CYP2A7: variants seen among roughly 807,000 people sequenced by gnomAD.
CYP2A7 encodes cytochrome P450 family 2 subfamily A member 7, also known as cytochrome P450 2A7.
Under a neutral mutation model 42.0 loss-of-function variants are expected in CYP2A7, and 36 were observed. The ratio of observed to expected loss-of-function variants is 0.86; its 90% confidence interval spans 0.66 to 1.13. The LOEUF is 1.13. Among genes scored for constraint, CYP2A7 ranks in the 50% most tolerant of loss-of-function variants. The pLI is 0.00. For missense variants in CYP2A7, 661 were observed against 634.1 expected (o/e 1.04, Z -0.46); for synonymous variants, 260 against 249.5 (o/e 1.04, Z -0.40).
Position 40,877,232 on chromosome 19 carries a change from C to T in CYP2A7, c.1119G>A (p.Arg373=), listed in dbSNP as rs148915421. 55,225 of 1,611,656 alleles carry T rather than the reference C, an allele frequency of 0.034. 2,320 individuals are homozygous for T. Among genetic ancestry groups the T allele is most frequent in the Non-Finnish European group, 0.04 (47,558 of 1,178,240 alleles). ...GDVIPMSLAR[R]VKKDTKFRDF... ...CCCGAAACTTGGTGTCCTTTTTAAC[C>T]CTGCGGGCCAAACTCATGGGGATCA... The change falls in exon 7 of 9, where the codon AGG becomes AGA. Residue 373 remains arginine, a synonymous_variant. Transcript: ENST00000301146.
rs1291440775 is a variant in CYP2A7, at chr19:40,881,716, G to C, written c.216C>G (p.His72Gln). 1 of 1,607,746 alleles carries C rather than the reference G, an allele frequency of 6.2e-7. No individual in the cohort carries two copies. The highest frequency in any genetic ancestry group is 2.2e-5 in the East Asian group (1 of 44,816). ...GCACCACGACCCGCCGGGGCCCCAA[G>C]TGAATGGTGAACACGGGGCCATAGC... is the stretch of plus-strand genomic sequence containing the variant. ...SECYGPVFTIHLGPRRVVVLC... is the reference protein window; with the variant it reads ...SECYGPVFTIQLGPRRVVVLC... Residue 72 changes from histidine to glutamine, a missense_variant, in exon 2 of 9, where the codon CAC (histidine) becomes CAG (glutamine). This residue lies in a region of CYP2A7 where 614 missense variants were observed against 552.4 expected (regional missense o/e 1.11). Transcript: ENST00000301146.
At chr19:40,877,722 G>A in intron 6 of CYP2A7, 130 bp downstream of exon 6, 1 of 1,328,706 alleles carries the variant, frequency 7.5e-7, no homozygotes, top group South Asian at 1.5e-5. Context: ...CCAGCTGAAT[G>A]TTGCCCTGTC....
chr19:40,880,665 G>A (rs746421963), intron 2 of CYP2A7, 37 bp from the exon 3 acceptor site: 1 of 1,586,520 alleles, frequency 6.3e-7, no homozygotes, highest in Non-Finnish European at 8.6e-7. Context: ...AGAGGTCAGG[G>A]GGCGGCGGTG....
At chr19:40,880,975 G>A (rs1170246468) in intron 2 of CYP2A7, among the ~76,000 whole-genome samples, 3 of 151,082 alleles carry the variant, frequency 2.0e-5, no homozygotes, top group African/African-American at 7.3e-5. Context: ...GAAGTGGGGA[G>A]AGAAAGAGAG....
chr19:40,882,069 G>C lies in CYP2A7; in HGVS notation c.142C>G (p.Gln48Glu). The change falls in exon 1 of 9, where the codon CAG (glutamine) becomes GAG (glutamate). Residue 48 changes from glutamine (Q) to glutamate (E), a missense_variant. Physicochemically the swap from Gln to Glu is conservative, Grantham distance 29. Transcript: ENST00000301146. ...TPLPFIGNYLQLNTEHICDSI... is the reference protein window; with the variant it reads ...TPLPFIGNYLELNTEHICDSI... ...TCACATATGTGCTCTGTGTTCAGCT[G>C]GAGGTAGTTTCCAATGAAGGGCAGT... 2 of 1,614,016 alleles carry C rather than the reference G, an allele frequency of 1.2e-6. No individual in the cohort carries two copies. The highest frequency in any genetic ancestry group is 2.2e-5 in the South Asian group (2 of 91,070).
At chr19:40,880,833 G>GC (rs1967659999) in intron 2 of CYP2A7, among the ~76,000 whole-genome samples, 1 of 126,214 alleles carries the variant, frequency 7.9e-6, no homozygotes, top group East Asian at 2.3e-4. Context: ...GAGAGAGAGA[G>GC]AGAGAGAGAG....
At position 40,875,475 on chromosome 19, in the gene CYP2A7, T is replaced by C. The variant is rs1409620437; in HGVS notation, c.*218A>G. On this transcript the variant is annotated 3_prime_UTR_variant, in exon 9 of 9. Coordinates refer to ENST00000301146, the MANE Select transcript of CYP2A7 (RefSeq NM_000764.3). ...GAGCTGCTATTATTACTACTCTTCA[T>C]AGCATAATGTAAGGTTTCCCTTCCT... 4.4e-5 allele frequency: 28 copies of C among 631,350 alleles called. No individual in the cohort carries two copies. Among genetic ancestry groups the C allele is most frequent in the Non-Finnish European group, 6.6e-5 (24 of 361,084 alleles). 39.1% of individuals were successfully genotyped at this position (631,350 alleles called of 1,614,324 possible).
rs375259444 is a variant in CYP2A7 at position 40,878,978 on chromosome 19, C to T, written c.655-42G>A. On this transcript the variant is annotated intron_variant, in intron 4 of 8. Transcript: ENST00000301146. ...AGGATGGGAAGGGAAGGACAGCTGTCACGGGGCAGGAGCTGATGGGAATGG... is the reference window on the plus strand; with the variant it reads ...AGGATGGGAAGGGAAGGACAGCTGTTACGGGGCAGGAGCTGATGGGAATGG... 3.1e-5 allele frequency: 49 copies of T among 1,578,982 alleles called. 1 individual carries two copies. Among genetic ancestry groups the T allele is most frequent in the Non-Finnish European group, 4.2e-5 (48 of 1,155,832 alleles).
chr19:40,881,466 G>C, intron 2 of CYP2A7, 123 bp downstream of exon 2: 1 of 1,522,240 alleles, frequency 6.6e-7, no homozygotes, highest in Non-Finnish European at 8.9e-7. Flanking sequence ...GAGATGGGGA[G>C]ATAAGACCAG....
At chr19:40,877,059 G>T in intron 7 of CYP2A7, 131 bp downstream of exon 7, 3 of 1,009,096 alleles carry the variant, frequency 3.0e-6, no homozygotes, top group Non-Finnish European at 4.5e-6. Flanking sequence ...GGATGTGGTG[G>T]TTGGGGAAGT....
rs1234706949 is a variant in CYP2A7 at position 40,880,608 on chromosome 19, C to A, written c.364G>T (p.Glu122Ter). The A allele has an allele frequency of 6.3e-7, 1 of 1,576,634 alleles. No homozygotes were observed. The highest frequency in any genetic ancestry group is 1.4e-5 in the African/African-American group (1 of 73,750). The change falls in exon 3 of 9, where the codon GAG (glutamate) becomes TAG (stop). Residue 122 changes from glutamate to a stop codon, truncating the protein, a stop_gained. Transcript: ENST00000301146. LOFTEE classifies it high-confidence loss of function. ...AAGCGCAGGAGCTGCTTGGCGCGCT[C>A]CCCGTTGCTGAACGCCACGCCTGGG... Reference protein sequence around the residue: ...KGYGVAFSNGERAKQLLRFAI... With the variant: ...KGYGVAFSNG
chr19:40,875,930 C>CCCCA (rs1434475580), intron 8 of CYP2A7, 56 bp from the exon 9 acceptor site: 1 of 1,489,104 alleles, frequency 6.7e-7, no homozygotes, highest in East Asian at 2.3e-5. Flanking sequence ...TGCAGCCTCG[C>CCCCA]CCCAGTACCG....
intron 1 of CYP2A7, 36 bp downstream of exon 1, chr19:40,881,995 C>A: frequency 6.3e-7 from 1 of 1,596,156 alleles, no homozygotes; most frequent in Non-Finnish European, 8.5e-7. Flanking sequence ...TAGGCAGCCC[C>A]CACCCTGTGC....
intron 6 of CYP2A7, 103 bp downstream of exon 6, chr19:40,877,749 C>G: frequency 1.4e-6 from 2 of 1,476,490 alleles, no homozygotes; most frequent in Non-Finnish European, 1.8e-6. Context: ...CAGCAAGGCA[C>G]GTCTCAGGGT....
Position 40,882,027 on chromosome 19 carries a change from A to G in CYP2A7, c.180+4T>C. ...GTGCCACCCATCTTCCTGCCTTGGG[A>G]CACCTTCATGATGGAGTCACATATG... On this transcript the variant is annotated splice_donor_region_variant and intron_variant, in intron 1 of 8. Transcript: ENST00000301146. The G allele has an allele frequency of 6.2e-7, 1 of 1,611,224 alleles. No homozygotes were observed.
At position 40,882,166 on chromosome 19, in the gene CYP2A7, C is replaced by G. The variant is rs1599796292; in HGVS notation, c.45G>C (p.Leu15=). The change falls in exon 1 of 9, where the codon CTG becomes CTC. Residue 15 remains leucine, a synonymous_variant. Transcript: ENST00000301146. ...AGACAGACATCAAGACCATCACAGT[C>G]AGGCAGGCCAGCAAGGCCACCAGAA... ...GLLLVALLAC[L]TVMVLMSVWQ... is the part of the protein sequence containing the mutation. 6.2e-7 allele frequency: 1 copy of G among 1,613,992 alleles called. No homozygotes were observed. Among genetic ancestry groups the G allele is most frequent in the Non-Finnish European group, 8.5e-7 (1 of 1,179,864 alleles).
In CYP2A7 at chr19:40,877,940, C is replaced by G; in HGVS notation, c.885G>C (p.Thr295=). 6.2e-7 allele frequency: 1 copy of G among 1,612,596 alleles called. No individual in the cohort carries two copies. The highest frequency in any genetic ancestry group is 1.7e-5 in the Admixed American group (1 of 59,778). The part of the protein sequence containing the change: ...EFYLKNLMMS[T]LNLFIAGTET... The stretch of plus-strand genomic sequence containing the variant: ...CGGTGCCTGCAATGAAGAGGTTCAA[C>G]GTGCTCATCATCAGGTTCTTCAAGT... Residue 295 remains threonine, a synonymous_variant, in exon 6 of 9, where the codon ACG becomes ACC. Coordinates refer to ENST00000301146, the MANE Select transcript of CYP2A7 (RefSeq NM_000764.3).
rs1171374070 is a variant in CYP2A7 at position 40,880,798 on chromosome 19, GGAGAGAGAGAGAGAGAGA to G, written c.344-188_344-171del. ...GCAAACTCAGTCAGAGAAACACGAG[GGAGAGAGAGAGAGAGAGA>G]GAGAGAGAGAGAGAGAGAGAGAGAG... is the stretch of plus-strand genomic sequence containing the variant. On this transcript the variant is annotated intron_variant, in intron 2 of 8. Coordinates refer to ENST00000301146, the MANE Select transcript of CYP2A7 (RefSeq NM_000764.3). Among the ~76,000 whole-genome samples, 7 of 27,444 alleles carry G rather than the reference GGAGAGAGAGAGAGAGAGA, an allele frequency of 2.6e-4. 2 individuals carry two copies. The highest frequency in any genetic ancestry group is 2.7e-4 in the Non-Finnish European group (4 of 14,600). The allele number at this position is 27,444 out of a possible 152,430, so 18.0% of individuals were successfully genotyped here. A position where few individuals can be genotyped will look rare whatever the true frequency, so the allele number is the denominator to read the frequency against.
chr19:40,877,701 G>A, intron 6 of CYP2A7, 151 bp downstream of exon 6: 1 of 1,156,398 alleles, frequency 8.6e-7, no homozygotes, highest in Non-Finnish European at 1.2e-6. Context: ...ATGAGACTCA[G>A]CTGATGCCTA....
Sources: gnomAD v4.1 joint callset for allele counts (sites outside exome capture counted in the v4.1 genomes callset) on GRCh38, gnomAD v4.1.1 for gene constraint, gnomAD v4.1.1 regional missense constraint, MANE v1.5 for transcripts, NCBI Gene and HGNC (gene_info 2026-07-23, HGNC 2026-07-21) for gene names.